RASA3: variants seen among roughly 807,000 people sequenced by gnomAD.
The protein encoded by RASA3 is ras GTPase-activating protein 3.
A neutral mutation model predicts 110.0 loss-of-function variants in RASA3; 73 were observed. The ratio of observed to expected loss-of-function variants is 0.66; its 90% confidence interval spans 0.55 to 0.81. The LOEUF is 0.81. RASA3 is among the 30% of genes least tolerant of loss of function. RASA3 has a pLI of 0.00. For missense variants in RASA3, 976 were observed against 1,113.2 expected, an observed-to-expected ratio of 0.88 and a Z score of 1.75; for synonymous variants, 500 against 451.4, an observed-to-expected ratio of 1.11 and a Z score of -1.37.
intron 1 of RASA3, among the ~76,000 whole-genome samples, chr13:114,074,903 G>A (rs1451987221): frequency 1.3e-5 from 2 of 152,270 alleles, no homozygotes; most frequent in African/African-American, 2.4e-5. Flanking sequence ...CTGGAGAATA[G>A]GGAGTGAGCA....
chr13:114,104,530 G>A (rs1001215094), intron 1 of RASA3, among the ~76,000 whole-genome samples: 4 of 152,136 alleles, frequency 2.6e-5, no homozygotes, highest in African/African-American at 7.2e-5. Context: ...CGGGAACTCC[G>A]GTGGCGGGCA....
chr13:113,998,152 T>G (rs552030956), intron 20 of RASA3, among the ~76,000 whole-genome samples: 1 of 152,258 alleles, frequency 6.6e-6, no homozygotes, highest in East Asian at 1.9e-4. Context: ...TGGAGGTGCT[T>G]CCAGGACATG....
At chr13:114,111,751 C>T (rs1198040828) in intron 1 of RASA3, among the ~76,000 whole-genome samples, 1 of 152,254 alleles carries the variant, frequency 6.6e-6, no homozygotes, top group African/African-American at 2.4e-5. Context: ...CCAAAACAGC[C>T]TCTAGCTACA....
At chr13:114,059,782 C>G (rs1482556856) in intron 2 of RASA3, among the ~76,000 whole-genome samples, 2 of 152,242 alleles carry the variant, frequency 1.3e-5, no homozygotes, top group Non-Finnish European at 2.9e-5. Flanking sequence ...CCCCGCCAGG[C>G]GTGGCTCACT....
intron 2 of RASA3, among the ~76,000 whole-genome samples, chr13:114,061,631 C>T (rs1243531225): frequency 1.3e-5 from 2 of 148,598 alleles, no homozygotes; most frequent in Non-Finnish European, 3.0e-5. Flanking sequence ...GAACCGAGAT[C>T]GCACCACTGC....
intron 2 of RASA3, among the ~76,000 whole-genome samples, chr13:114,067,792 G>C (rs1233681659): frequency 6.6e-6 from 1 of 152,234 alleles, no homozygotes; most frequent in Non-Finnish European, 1.5e-5. Flanking sequence ...GAGGGTCCCT[G>C]GTGATGTCTG....
intron 21 of RASA3, among the ~76,000 whole-genome samples, chr13:113,993,958 G>A (rs768795839): frequency 1.9e-4 from 29 of 152,226 alleles, no homozygotes; most frequent in African/African-American, 4.3e-4. Flanking sequence ...AGGAACGCGC[G>A]GGGCTGTTAT....
chr13:114,043,837 G>GCCCCCCCCCCCCCCCCCCCCCCCCCC (rs544129523), intron 3 of RASA3, among the ~76,000 whole-genome samples: 1 of 22,826 alleles, frequency 4.4e-5, no homozygotes, highest in African/African-American at 3.4e-4. Context: ...CACTCGCTGA[G>GCCCCCCCCCCCCCCCCCCCCCCCCCC]CCCCCCGCCC....
At chr13:114,101,965 C>CG (rs2080065463) in intron 1 of RASA3, among the ~76,000 whole-genome samples, 1 of 152,138 alleles carries the variant, frequency 6.6e-6, no homozygotes, top group Admixed American at 6.5e-5. Flanking sequence ...AAGTGGGGAG[C>CG]GGGGGTCTCA....
chr13:113,990,591 G>A (rs950008874), intron 22 of RASA3, among the ~76,000 whole-genome samples: 3 of 152,250 alleles, frequency 2.0e-5, no homozygotes, highest in African/African-American at 7.2e-5. Flanking sequence ...GCCACCCTGA[G>A]GCCTTGTGCC....
At chr13:114,015,433 G>A (rs909941174) in intron 13 of RASA3, 101 bp from the exon 14 acceptor site, 1 of 1,470,046 alleles carries the variant, frequency 6.8e-7, no homozygotes, top group Non-Finnish European at 9.2e-7. Context: ...AGGGGCTGAG[G>A]GCGGGCGCAG....
chr13:114,041,463 C>T (rs570170513), intron 3 of RASA3, among the ~76,000 whole-genome samples: 2 of 152,396 alleles, frequency 1.3e-5, no homozygotes, highest in Admixed American at 6.5e-5. Context: ...TGTGAAGGCG[C>T]GAACGTCCGC....
intron 22 of RASA3, among the ~76,000 whole-genome samples, chr13:113,990,023 G>A (rs1330534464): frequency 6.6e-6 from 1 of 152,168 alleles, no homozygotes; most frequent in African/African-American, 2.4e-5. Flanking sequence ...CTGTTCTCGT[G>A]ATAGTGAGTT....
intron 2 of RASA3, among the ~76,000 whole-genome samples, chr13:114,058,033 T>C (rs1166328443): frequency 6.6e-6 from 1 of 152,114 alleles, no homozygotes; most frequent in Non-Finnish European, 1.5e-5. Flanking sequence ...GTGTGCGTTT[T>C]CCTCACTGTC....
rs1046861465 is a variant in RASA3, at chr13:114,114,706, G to T, written c.55+17729C>A. On this transcript the variant is annotated intron_variant, in intron 1 of 23. Coordinates refer to ENST00000334062, the MANE Select transcript of RASA3 (RefSeq NM_007368.4). The surrounding 1 kb of genome is among the most constrained non-coding windows in gnomAD (Gnocchi z 4.8). ...CGACCTTTGTTTATGGGTAACCCTT[G>T]ATAACATGTGGGCAGGGTTTCAGTG... 6.6e-6 allele frequency among the ~76,000 whole-genome samples: 1 copy of T among 152,204 alleles called. No individual in the cohort carries two copies. The highest frequency in any genetic ancestry group is 2.4e-5 in the African/African-American group (1 of 41,448).
At chr13:113,993,060 A>G (rs2053156059) in intron 21 of RASA3, among the ~76,000 whole-genome samples, 1 of 152,208 alleles carries the variant, frequency 6.6e-6, no homozygotes, top group Non-Finnish European at 1.5e-5. Context: ...ATACTTGTAC[A>G]TTTTTAGTAT....
rs761256635 is a variant in RASA3, at chr13:113,979,404, G to T, written c.2448C>A (p.Asp816Glu). 1.2e-6 allele frequency: 2 copies of T among 1,603,626 alleles called. No individual in the cohort carries two copies. Among genetic ancestry groups the T allele is most frequent in the Non-Finnish European group, 1.7e-6 (2 of 1,170,634 alleles). Residue 816 changes from aspartate (D) to glutamate (E), a missense_variant, in exon 24 of 24, where the codon GAC becomes GAA. Coordinates refer to ENST00000334062, the MANE Select transcript of RASA3 (RefSeq NM_007368.4). ...KYGSQEHPIG[D>E]KSFQNYIRQQ... ...GCCGGATGTAGTTCTGGAAGCTCTT[G>T]TCTCCGATGGGGTGCTCCCTGAAAA...
In RASA3 at chr13:113,978,490, A is replaced by C. The variant is rs1594264449; in HGVS notation, c.*857T>G. The C allele has an allele frequency of 1.3e-5, 2 of 152,252 alleles. No individual in the cohort carries two copies. The highest frequency in any genetic ancestry group is 4.8e-5 in the African/African-American group (2 of 41,456). 9.4% of individuals were successfully genotyped at this position (152,252 alleles called of 1,614,324 possible). A position where few individuals can be genotyped will look rare whatever the true frequency, so the allele number is the denominator to read the frequency against. On this transcript the variant is annotated 3_prime_UTR_variant, in exon 24 of 24. Transcript: ENST00000334062. Reference sequence around the variant, plus strand: ...AAATGGTCCTTCAAAAACATAAAGAAAAACAGCTTGAAAAATGTACATTTC... The same window carrying C: ...AAATGGTCCTTCAAAAACATAAAGACAAACAGCTTGAAAAATGTACATTTC...
chr13:114,083,544 CGGGGAAATCACGGGGAAGTGG>C, intron 1 of RASA3, among the ~76,000 whole-genome samples: 1 of 139,960 alleles, frequency 7.1e-6, no homozygotes, highest in Non-Finnish European at 1.6e-5. Flanking sequence ...TTCGTCCTCG[CGGGGAAATCACGGGGAAGTGG>C]TGAGTCTGGA....
Sources: allele counts gnomAD v4.1 joint callset (sites outside exome capture counted in the v4.1 genomes callset), GRCh38; gene constraint gnomAD v4.1.1; non-coding constraint Gnocchi (gnomAD v3.1); transcripts MANE v1.5; gene names NCBI Gene and HGNC (gene_info 2026-07-23, HGNC 2026-07-21).